MYO10: variants seen among roughly 807,000 people sequenced by gnomAD.
MYO10 encodes unconventional myosin-X.
Under a neutral mutation model 257.3 loss-of-function variants are expected in MYO10, and 133 were observed. The ratio of observed to expected loss-of-function variants is 0.52; its 90% confidence interval spans 0.45 to 0.60. The LOEUF is 0.60. Among genes scored for constraint, MYO10 ranks in the 20% least tolerant of loss-of-function variants. The pLI, the probability that MYO10 is intolerant of heterozygous loss-of-function variation, is 0.00. For synonymous variants in MYO10, 1,104 were observed against 1,028.6 expected, an observed-to-expected ratio of 1.07 and a Z score of -1.40; for missense variants, 2,399 against 2,635.7, an observed-to-expected ratio of 0.91 and a Z score of 1.97.
chr5:16,683,472 T>C (rs1042537478), intron 30 of MYO10, among the ~76,000 whole-genome samples: 1 of 152,216 alleles, frequency 6.6e-6, no homozygotes, highest in Admixed American at 6.5e-5. Flanking sequence ...ACTCTACATA[T>C]ACATTATCAT....
intron 2 of MYO10, among the ~76,000 whole-genome samples, chr5:16,843,601 T>G (rs923287068): frequency 6.6e-6 from 1 of 152,190 alleles, no homozygotes; most frequent in Non-Finnish European, 1.5e-5. Flanking sequence ...TTTGTCTCCA[T>G]AAGGTCCTGG....
At chr5:16,786,980 C>T (rs549539892) in intron 4 of MYO10, among the ~76,000 whole-genome samples, 1 of 152,176 alleles carries the variant, frequency 6.6e-6, no homozygotes, top group East Asian at 1.9e-4. Context: ...GCCAGCCTGG[C>T]GAACATGGTG....
At chr5:16,847,679 G>C (rs780235295) in intron 2 of MYO10, among the ~76,000 whole-genome samples, 1 of 152,058 alleles carries the variant, frequency 6.6e-6, no homozygotes, top group Non-Finnish European at 1.5e-5. Context: ...GGAGTGAGTC[G>C]TGATTGTGCC....
At chr5:16,827,350 C>A (rs187905725) in intron 2 of MYO10, among the ~76,000 whole-genome samples, 1 of 152,252 alleles carries the variant, frequency 6.6e-6, no homozygotes, top group African/African-American at 2.4e-5. Flanking sequence ...GTGGCACAGT[C>A]TCGACTCACT....
At chr5:16,837,724 G>GC (rs1319591372) in intron 2 of MYO10, among the ~76,000 whole-genome samples, 1 of 152,138 alleles carries the variant, frequency 6.6e-6, no homozygotes, top group African/African-American at 2.4e-5. Context: ...ATATGCTGGT[G>GC]CCTTTCCCTC....
At chr5:16,693,034 G>GT (rs1737575833) in intron 27 of MYO10, among the ~76,000 whole-genome samples, 1 of 152,186 alleles carries the variant, frequency 6.6e-6, no homozygotes, top group African/African-American at 2.4e-5. Flanking sequence ...GGGAGACCAA[G>GT]GCAGGCGGAT....
At chr5:16,686,672 C>A (rs1480741723) in intron 28 of MYO10, among the ~76,000 whole-genome samples, 1 of 151,920 alleles carries the variant, frequency 6.6e-6, no homozygotes, top group Non-Finnish European at 1.5e-5. Flanking sequence ...GTAGCTGGGA[C>A]ACACCACCAT....
intron 9 of MYO10, among the ~76,000 whole-genome samples, chr5:16,774,994 A>C (rs1741173407): frequency 6.6e-6 from 1 of 152,176 alleles, no homozygotes; most frequent in Admixed American, 6.5e-5. Flanking sequence ...GCTCAGTGCC[A>C]GGCACGCTGT....
intron 10 of MYO10, 101 bp from the exon 11 acceptor site, chr5:16,766,299 C>T: frequency 1.2e-6 from 1 of 843,064 alleles, no homozygotes; most frequent in Non-Finnish European, 2.0e-6. Flanking sequence ...ATCCCTCACG[C>T]AGAGTTTAGA....
rs1739185260 is a variant in MYO10 at position 16,722,359 on chromosome 5, C to CT, written c.1930-11115_1930-11114insA. On this transcript the variant is annotated intron_variant, in intron 19 of 40. Transcript: ENST00000513610. ...GAGTTCACTACATTGCCTGGTGTGTCACCCTACGTATCAGATACACTCTCA... is the reference window on the plus strand; with the variant it reads ...GAGTTCACTACATTGCCTGGTGTGTCTACCCTACGTATCAGATACACTCTCA... 4.6e-5 allele frequency among the ~76,000 whole-genome samples: 7 copies of CT among 152,340 alleles called. No individual in the cohort carries two copies. The South Asian group carries it at 1.5e-3, about 32-fold the overall frequency.
At chr5:16,892,288 C>T (rs1391518860) in intron 1 of MYO10, among the ~76,000 whole-genome samples, 1 of 152,102 alleles carries the variant, frequency 6.6e-6, no homozygotes, top group Admixed American at 6.5e-5. Context: ...GAGTTGACAC[C>T]TAGCTTATCT....
chr5:16,749,728 CAG>C (rs1196036521), intron 19 of MYO10, among the ~76,000 whole-genome samples: 1 of 152,204 alleles, frequency 6.6e-6, no homozygotes, highest in Non-Finnish European at 1.5e-5. Context: ...AAAGACCAAA[CAG>C]GGAGGAGAGC....
intron 1 of MYO10, among the ~76,000 whole-genome samples, chr5:16,889,532 AAGG>A (rs1744990552): frequency 8.9e-6 from 1 of 111,760 alleles, no homozygotes; most frequent in Non-Finnish European, 1.9e-5. Context: ...GGAAGGAAGG[AAGG>A]GCGGACGAAA....
chr5:16,887,942 G>C (rs892269264), intron 1 of MYO10, among the ~76,000 whole-genome samples: 2 of 152,150 alleles, frequency 1.3e-5, no homozygotes, highest in African/African-American at 4.8e-5. Flanking sequence ...AAATTGCTGA[G>C]AGTACCTCAA....
intron 1 of MYO10, chr5:16,902,427 T>A: frequency 2.5e-6 from 3 of 1,218,924 alleles, no homozygotes; most frequent in Non-Finnish European, 3.6e-6. Flanking sequence ...CAGACAGTAA[T>A]GTAACTTCAC....
chr5:16,695,794 C>T (rs1737719538), intron 26 of MYO10, among the ~76,000 whole-genome samples: 1 of 152,052 alleles, frequency 6.6e-6, no homozygotes, highest in African/African-American at 2.4e-5. Flanking sequence ...TAATCCTATC[C>T]TTTTATGCGT....
At chr5:16,853,064 TA>T (rs958967964) in intron 2 of MYO10, among the ~76,000 whole-genome samples, 3 of 151,518 alleles carry the variant, frequency 2.0e-5, no homozygotes, top group East Asian at 1.9e-4. Context: ...AAATCCATTA[TA>T]AAAAAAAATC....
At chr5:16,690,018 G>C in intron 27 of MYO10, 99 bp from the exon 28 acceptor site, 2 of 867,440 alleles carry the variant, frequency 2.3e-6, no homozygotes, top group Non-Finnish European at 3.8e-6. Flanking sequence ...GTTGGGAACT[G>C]TCTGTTACTG....
At chr5:16,782,982 GA>G (rs1478114892) in intron 5 of MYO10, among the ~76,000 whole-genome samples, 1 of 152,160 alleles carries the variant, frequency 6.6e-6, no homozygotes, top group African/African-American at 2.4e-5. Context: ...AAGGCCTCCA[GA>G]AAACTAGTCA....
Sources: gnomAD v4.1 joint callset for allele counts (sites outside exome capture counted in the v4.1 genomes callset) on GRCh38, gnomAD v4.1.1 for gene constraint, MANE v1.5 for transcripts, NCBI Gene and HGNC (gene_info 2026-07-23, HGNC 2026-07-21) for gene names.